Variants in SPAG16 observed in about 807,000 individuals in gnomAD.
SPAG16 encodes sperm associated antigen 16, also known as sperm-associated antigen 16 protein.
In SPAG16, 86 loss-of-function variants were observed where a neutral mutation model predicts 80.4. The ratio of observed to expected loss-of-function variants is 1.07; its 90% CI spans 0.90 to 1.28. The LOEUF is 1.28. Among genes scored for constraint, SPAG16 ranks in the 50% most tolerant of loss-of-function variants. The pLI, the probability that SPAG16 is intolerant of heterozygous loss-of-function variation, is 0.00. For missense variants in SPAG16, 870 were observed against 765.3 expected (o/e 1.14, Z -1.61); for synonymous variants, 294 against 265.9 (o/e 1.11, Z -1.03).
chr2:214,258,207 C>T (rs181537531), intron 15 of SPAG16, among the ~76,000 whole-genome samples: 1 of 151,568 alleles, frequency 6.6e-6, no homozygotes, highest in South Asian at 2.1e-4. Context: ...GCAATGTACA[C>T]TGTACCCAAT....
At chr2:213,739,387 C>T (rs924224615) in intron 10 of SPAG16, among the ~76,000 whole-genome samples, 3 of 152,106 alleles carry the variant, frequency 2.0e-5, no homozygotes, top group Non-Finnish European at 4.4e-5. Context: ...TTCTCAAATG[C>T]ACATCTGTTA....
intron 10 of SPAG16, among the ~76,000 whole-genome samples, chr2:213,611,553 T>C (rs1432841151): frequency 6.6e-6 from 1 of 152,204 alleles, no homozygotes; most frequent in Non-Finnish European, 1.5e-5. Context: ...GTTTAGTTAA[T>C]AATACTTTGA....
chr2:213,367,342 A>C (rs1460997453), intron 8 of SPAG16, among the ~76,000 whole-genome samples: 1 of 152,004 alleles, frequency 6.6e-6, no homozygotes, highest in African/African-American at 2.4e-5. Flanking sequence ...TTTCTAGTTC[A>C]AGATCTTTGA....
At chr2:213,461,109 A>G (rs1305272562) in intron 9 of SPAG16, among the ~76,000 whole-genome samples, 1 of 152,178 alleles carries the variant, frequency 6.6e-6, no homozygotes, top group Non-Finnish European at 1.5e-5. Context: ...AGTGACTATT[A>G]TGGATAAGGT....
intron 10 of SPAG16, among the ~76,000 whole-genome samples, chr2:213,856,640 A>G (rs1351627785): frequency 1.3e-5 from 2 of 152,116 alleles, no homozygotes; most frequent in East Asian, 3.9e-4. Context: ...GATCCCCCAC[A>G]GGCCCAACAC....
intron 10 of SPAG16, among the ~76,000 whole-genome samples, chr2:213,815,609 G>C (rs1387539662): frequency 6.6e-6 from 1 of 151,952 alleles, no homozygotes; most frequent in East Asian, 1.9e-4. Context: ...CAAATACCCA[G>C]GTGGTACTCA....
intron 9 of SPAG16, chr2:213,375,347 C>A (rs938295076): frequency 3.0e-6 from 1 of 337,208 alleles, no homozygotes; most frequent in Non-Finnish European, 5.5e-6. Flanking sequence ...GATCACTCTG[C>A]CACCTATCCC....
At chr2:213,937,537 A>T (rs1410565917) in intron 12 of SPAG16, among the ~76,000 whole-genome samples, 1 of 152,054 alleles carries the variant, frequency 6.6e-6, no homozygotes, top group Non-Finnish European at 1.5e-5. Flanking sequence ...CATTCAAATG[A>T]ATTGTTTCCC....
At chr2:214,256,367 T>C in intron 15 of SPAG16, among the ~76,000 whole-genome samples, 1 of 151,936 alleles carries the variant, frequency 6.6e-6, no homozygotes, top group East Asian at 1.9e-4. Context: ...AGATATATGT[T>C]TTGCAAATTG....
intron 15 of SPAG16, among the ~76,000 whole-genome samples, chr2:214,321,969 G>GT (rs1192828395): frequency 6.6e-6 from 1 of 152,092 alleles, no homozygotes; most frequent in East Asian, 1.9e-4. Context: ...ATACATTATT[G>GT]TTTTAGTCTT....
chr2:213,780,018 G>T (rs2069844265), intron 10 of SPAG16, among the ~76,000 whole-genome samples: 1 of 152,164 alleles, frequency 6.6e-6, no homozygotes, highest in Admixed American at 6.5e-5. Flanking sequence ...TACTAGGCAT[G>T]CTGACTCCTG....
chr2:214,155,075 G>GGGTA (rs1260059770), intron 15 of SPAG16, among the ~76,000 whole-genome samples: 1 of 152,144 alleles, frequency 6.6e-6, no homozygotes. Context: ...AAGAGCCAGT[G>GGGTA]GGTAGTCCAG....
At chr2:214,409,999 G>T in intron 15 of SPAG16, 141 bp from the exon 16 acceptor site, 1 of 775,302 alleles carries the variant, frequency 1.3e-6, no homozygotes, top group Non-Finnish European at 2.0e-6. Context: ...ATACCTACAG[G>T]AGCTACTGCA....
intron 10 of SPAG16, among the ~76,000 whole-genome samples, chr2:213,858,391 C>T (rs1006018622): frequency 6.6e-6 from 1 of 152,186 alleles, no homozygotes; most frequent in African/African-American, 2.4e-5. Flanking sequence ...CAAGACCCTC[C>T]ACCAGCAGAA....
At chr2:213,484,757 G>A (rs902724661) in intron 9 of SPAG16, among the ~76,000 whole-genome samples, 17 of 152,150 alleles carry the variant, frequency 1.1e-4, no homozygotes, top group African/African-American at 3.9e-4. Context: ...CAAGAGATAA[G>A]CTTGCTCCCA....
At chr2:213,491,274 A>G (rs963275293) in intron 10 of SPAG16, among the ~76,000 whole-genome samples, 12 of 152,150 alleles carry the variant, frequency 7.9e-5, no homozygotes, top group African/African-American at 1.7e-4. Context: ...TTATATGTCT[A>G]TCGTTTGGAA....
At chr2:213,768,537 G>T (rs1355884682) in intron 10 of SPAG16, among the ~76,000 whole-genome samples, 1 of 152,108 alleles carries the variant, frequency 6.6e-6, no homozygotes, top group African/African-American at 2.4e-5. Context: ...CAGGTGACTG[G>T]GTATGGAAGG....
At chr2:213,929,860 C>A in intron 11 of SPAG16, 100 bp from the exon 12 acceptor site, 1 of 985,040 alleles carries the variant, frequency 1.0e-6, no homozygotes, top group Non-Finnish European at 1.5e-6. Flanking sequence ...AAAAATAAAT[C>A]AGATACATAC....
intron 10 of SPAG16, among the ~76,000 whole-genome samples, chr2:213,693,843 A>C (rs532900548): frequency 6.6e-5 from 10 of 152,222 alleles, no homozygotes; most frequent in African/African-American, 2.4e-4. Context: ...AAAGTGGACT[A>C]TCTGGCACTG....
Sources: allele counts gnomAD v4.1 joint callset (sites outside exome capture counted in the v4.1 genomes callset), GRCh38; gene constraint gnomAD v4.1.1; transcripts MANE v1.5; gene names NCBI Gene and HGNC (gene_info 2026-07-23, HGNC 2026-07-21).